The following CA12 variants were observed in gnomAD, a reference collection of about 807,000 sequenced individuals.
CA12 encodes the protein carbonate dehydratase XII.
CA12 carries 36 observed loss-of-function variants against 46.8 expected under a neutral mutation model. The observed-to-expected ratio is 0.77, with a 90% CI of 0.59 to 1.02. The LOEUF is 1.02. Ranked by LOEUF, CA12 falls within the 50% of genes least tolerant of loss-of-function variation. The pLI, the probability that CA12 is intolerant of heterozygous loss-of-function variation, is 0.00. For synonymous variants in CA12, 202 were observed against 187.0 expected, an observed-to-expected ratio of 1.08 and a Z score of -0.65; for missense variants, 436 against 451.4, an observed-to-expected ratio of 0.97 and a Z score of 0.31.
intron 4 of CA12, among the ~76,000 whole-genome samples, chr15:63,343,617 C>G (rs1314797747): frequency 1.3e-5 from 2 of 152,154 alleles, no homozygotes; most frequent in African/African-American, 4.8e-5. Context: ...CAAAGAACCA[C>G]TACACTTCCA....
rs1158126479 is a variant in CA12, at chr15:63,328,836, G to T, written c.875-706C>A. On this transcript the variant is annotated intron_variant, in intron 8 of 10. Transcript: ENST00000178638. The surrounding 1 kb of genome is among the most constrained non-coding windows in gnomAD (Gnocchi z 5.9). ...ATGCCTCAGCCTCCCGAGCAGCTGG[G>T]ACTGCAGGCGTGCACCACAACGCTT... Among the ~76,000 whole-genome samples the T allele has an allele frequency of 6.6e-6, 1 of 152,160 alleles. No homozygotes were observed. Among genetic ancestry groups the T allele is most frequent in the East Asian group, 1.9e-4 (1 of 5,190 alleles).
chr15:63,344,911 ATCT>A (rs2152617618), intron 4 of CA12, among the ~76,000 whole-genome samples: 1 of 152,244 alleles, frequency 6.6e-6, no homozygotes, highest in East Asian at 1.9e-4. Context: ...GCTGGCTGAC[ATCT>A]TGTCCCTAGT....
At chr15:63,337,699 C>T (rs112987786) in intron 8 of CA12, among the ~76,000 whole-genome samples, 3,130 of 151,930 alleles carry the variant, frequency 0.021, 50 homozygotes, top group African/African-American at 0.047. Flanking sequence ...TCATGATCCA[C>T]CCACCTCGGC....
rs369150535 is a variant in CA12 at position 63,364,078 on chromosome 15, T to A, written c.106+11580A>T. 9.9e-5 allele frequency among the ~76,000 whole-genome samples: 15 copies of A among 152,026 alleles called. No individual in the cohort carries two copies. In the East Asian group the frequency reaches 1.4e-3, roughly 14 times the overall value. ...GGCGCATGCCTGTAATCCCAGGTACTCAGGAGGCTAAGGTAGGAGAATCGC... is the reference window on the plus strand; with the variant it reads ...GGCGCATGCCTGTAATCCCAGGTACACAGGAGGCTAAGGTAGGAGAATCGC... On this transcript the variant is annotated intron_variant, in intron 2 of 10. Transcript: ENST00000178638.
In CA12 at chr15:63,330,056, C is replaced by T. The variant is rs1484730396; in HGVS notation, c.875-1926G>A. On this transcript the variant is annotated intron_variant, in intron 8 of 10. Transcript: ENST00000178638. The surrounding 1 kb of genome is among the most constrained non-coding windows in gnomAD (Gnocchi z 4.0). Reference sequence around the variant, plus strand: ...GAGCTGTCCCCAAGGACAGGGAAGCCTATTCTCCCTACTCTGCTCACCACC... The same window carrying T: ...GAGCTGTCCCCAAGGACAGGGAAGCTTATTCTCCCTACTCTGCTCACCACC... Among the ~76,000 whole-genome samples the T allele has an allele frequency of 6.6e-6, 1 of 152,214 alleles. No homozygotes were observed. Among genetic ancestry groups the T allele is most frequent in the Non-Finnish European group, 1.5e-5 (1 of 68,032 alleles).
At chr15:63,326,382 C>G in intron 10 of CA12, 25 bp from the exon 11 acceptor site, 3 of 1,593,928 alleles carry the variant, frequency 1.9e-6, no homozygotes, top group South Asian at 1.1e-5. Context: ...ACACATAACT[C>G]TTGTTAGAGA....
intron 8 of CA12, among the ~76,000 whole-genome samples, chr15:63,334,674 C>A (rs1036855378): frequency 6.6e-6 from 1 of 152,060 alleles, no homozygotes; most frequent in African/African-American, 2.4e-5. Context: ...GAGAAAAACT[C>A]ATACAAAAGG....
chr15:63,335,690 T>C (rs1380283884), intron 8 of CA12, among the ~76,000 whole-genome samples: 1 of 151,828 alleles, frequency 6.6e-6, no homozygotes, highest in Non-Finnish European at 1.5e-5. Context: ...TCTGTAGTTC[T>C]TGTTAACTTC....
intron 8 of CA12, 103 bp downstream of exon 8, chr15:63,338,716 C>T (rs1275683887): frequency 2.0e-6 from 3 of 1,523,644 alleles, no homozygotes; most frequent in Non-Finnish European, 1.8e-6. Flanking sequence ...AGCTCTCAGC[C>T]AACTTCTTGA....
intron 2 of CA12, among the ~76,000 whole-genome samples, chr15:63,357,153 T>A (rs770832268): frequency 2.0e-5 from 3 of 152,192 alleles, no homozygotes; most frequent in Non-Finnish European, 4.4e-5. Context: ...TACTCACTGG[T>A]TGAGAAAAAC....
chr15:63,375,811 C>CTT (rs200331670), intron 1 of CA12, 133 bp from the exon 2 acceptor site: 810 of 504,694 alleles, frequency 1.6e-3, no homozygotes, highest in Middle Eastern at 3.5e-3. Context: ...TTTTCTTTTT[C>CTT]TTTTTTTTTT....
intron 8 of CA12, among the ~76,000 whole-genome samples, chr15:63,338,420 G>A (rs1040248988): frequency 6.6e-6 from 1 of 152,186 alleles, no homozygotes; most frequent in African/African-American, 2.4e-5. Flanking sequence ...TAGGCTGGCT[G>A]CAGCCTTTGA....
rs1391179953 is a variant in CA12, at chr15:63,345,943, A to C, written c.287-324T>G. Among the ~76,000 whole-genome samples the C allele has an allele frequency of 6.6e-6, 1 of 152,252 alleles. No individual in the cohort carries two copies. The highest frequency in any genetic ancestry group is 1.5e-5 in the Non-Finnish European group (1 of 68,038). On this transcript the variant is annotated intron_variant, in intron 3 of 10. Coordinates refer to ENST00000178638, the MANE Select transcript of CA12 (RefSeq NM_001218.5). The surrounding 1 kb of genome is among the most constrained non-coding windows in gnomAD (Gnocchi z 4.3). ...ACATATTGATGGATCAGACACCTTT[A>C]GTGAAGTACCTTCCAAGCTTTAGAA...
At chr15:63,352,941 A>G (rs1292407389) in intron 2 of CA12, among the ~76,000 whole-genome samples, 2 of 152,198 alleles carry the variant, frequency 1.3e-5, no homozygotes, top group Non-Finnish European at 2.9e-5. Flanking sequence ...TGAATGAAGG[A>G]GAAAAATCTC....
Position 63,340,846 on chromosome 15 carries a change from G to T in CA12, c.526-63C>A. On this transcript the variant is annotated intron_variant, in intron 5 of 10. Coordinates refer to ENST00000178638, the MANE Select transcript of CA12 (RefSeq NM_001218.5). This position sits in a 1 kb window ranked among gnomAD's most constrained non-coding sequence, Gnocchi z 4.4. ...CAGGATAGGCTGAGCCAGGATTGAC[G>T]ATTGCTATCAGAAGGGCAAAGCTGT... 1 of 1,446,872 alleles carries T rather than the reference G, an allele frequency of 6.9e-7. No homozygotes were observed. Among genetic ancestry groups the T allele is most frequent in the Non-Finnish European group, 9.7e-7 (1 of 1,028,796 alleles). The allele number at this position is 1,446,872 out of a possible 1,614,324, so 89.6% of individuals were successfully genotyped here.
At chr15:63,337,522 T>C (rs550560105) in intron 8 of CA12, among the ~76,000 whole-genome samples, 1 of 152,076 alleles carries the variant, frequency 6.6e-6, no homozygotes, top group South Asian at 2.1e-4. Flanking sequence ...AGTGGTGTGA[T>C]CTCGGCTCAT....
At chr15:63,356,067 T>A (rs2039291688) in intron 2 of CA12, among the ~76,000 whole-genome samples, 1 of 152,212 alleles carries the variant, frequency 6.6e-6, no homozygotes, top group Non-Finnish European at 1.5e-5. Flanking sequence ...ATGGTCATGT[T>A]TCTAACCATG....
chr15:63,341,872 T>C lies in CA12; in HGVS notation c.525+130A>G. ...AGGTGCACTACAGGAGGATACCCCC[T>C]GCTCTGGAGTTGACACGGAGTCGAT... is the stretch of plus-strand genomic sequence containing the variant. On this transcript the variant is annotated intron_variant, in intron 5 of 10. Coordinates refer to ENST00000178638, the MANE Select transcript of CA12 (RefSeq NM_001218.5). The surrounding 1 kb of genome is among the most constrained non-coding windows in gnomAD (Gnocchi z 5.2). 1.4e-6 allele frequency: 1 copy of C among 718,386 alleles called. No individual in the cohort carries two copies. The allele number at this position is 718,386 out of a possible 1,614,324, so 44.5% of individuals were successfully genotyped here. A position where few individuals can be genotyped will look rare whatever the true frequency, so the allele number is the denominator to read the frequency against.
intron 2 of CA12, among the ~76,000 whole-genome samples, chr15:63,350,640 G>A (rs1401707580): frequency 6.6e-6 from 1 of 152,210 alleles, no homozygotes; most frequent in Non-Finnish European, 1.5e-5. Flanking sequence ...GTTTCGAAAG[G>A]TAACAAGAGA....
Sources: gnomAD v4.1 joint callset for allele counts (sites outside exome capture counted in the v4.1 genomes callset) on GRCh38, gnomAD v4.1.1 for gene constraint, Gnocchi (gnomAD v3.1) non-coding constraint, MANE v1.5 for transcripts, NCBI Gene and HGNC (gene_info 2026-07-23, HGNC 2026-07-21) for gene names.